PARPBP: variants seen among roughly 807,000 people sequenced by gnomAD.
PARPBP encodes PARP1 binding protein, also known as PCNA-interacting partner.
In PARPBP, 52 loss-of-function variants were observed where a neutral mutation model predicts 50.0. That is an observed-to-expected ratio of 1.04 (90% CI 0.83 to 1.31). PARPBP has a LOEUF of 1.31. Ranked by LOEUF, PARPBP falls within the 50% of genes most tolerant of loss-of-function variation. PARPBP has a pLI of 0.00. For missense variants in PARPBP, 697 were observed against 672.0 expected (o/e 1.04, Z -0.41); for synonymous variants, 244 against 232.1 (o/e 1.05, Z -0.47).
chr12:102,157,283 C>T (rs1169098244), intron 4 of PARPBP, among the ~76,000 whole-genome samples: 4 of 152,122 alleles, frequency 2.6e-5, no homozygotes, highest in Non-Finnish European at 2.9e-5. Context: ...AATTCTTTAG[C>T]GTACATTTCC....
At chr12:102,160,423 A>G (rs981803047) in intron 4 of PARPBP, among the ~76,000 whole-genome samples, 1 of 152,226 alleles carries the variant, frequency 6.6e-6, no homozygotes, top group Admixed American at 6.5e-5. Context: ...ACAGTGACAT[A>G]GAGATTGCAT....
intron 2 of PARPBP, among the ~76,000 whole-genome samples, chr12:102,135,474 G>A (rs568399650): frequency 4.3e-4 from 65 of 150,226 alleles, no homozygotes; most frequent in African/African-American, 1.5e-3. Context: ...GAACCCGGGA[G>A]GCAGAGCTTG....
chr12:102,186,841 G>T (rs929205640), intron 9 of PARPBP, among the ~76,000 whole-genome samples: 2 of 151,930 alleles, frequency 1.3e-5, no homozygotes, highest in African/African-American at 4.8e-5. Context: ...GAAAATACTG[G>T]ACCTTTAACA....
intron 2 of PARPBP, among the ~76,000 whole-genome samples, chr12:102,127,715 C>G (rs1367611020): frequency 1.3e-5 from 2 of 151,978 alleles, no homozygotes; most frequent in Non-Finnish European, 2.9e-5. Context: ...AATTAAATAG[C>G]TTGGGTACAT....
chr12:102,155,725 C>T (rs1026045541), intron 4 of PARPBP, among the ~76,000 whole-genome samples: 2 of 152,088 alleles, frequency 1.3e-5, no homozygotes, highest in Admixed American at 1.3e-4. Flanking sequence ...CAACTGCACA[C>T]TCTTCTGGTC....
At chr12:102,127,920 GTATT>G (rs1478169475) in intron 2 of PARPBP, among the ~76,000 whole-genome samples, 3 of 152,002 alleles carry the variant, frequency 2.0e-5, no homozygotes, top group African/African-American at 4.8e-5. Flanking sequence ...ACAAAAAATT[GTATT>G]TATTTATCAT....
chr12:102,179,356 T>C (rs1425482480), intron 8 of PARPBP, among the ~76,000 whole-genome samples: 1 of 152,214 alleles, frequency 6.6e-6, no homozygotes, highest in Non-Finnish European at 1.5e-5. Context: ...TTAATGCTGG[T>C]ATTATGTGTA....
rs2139595041 is a variant in PARPBP, at chr12:102,164,554, A to C, written c.612A>C (p.Glu204Asp). Residue 204 changes from glutamate (E) to aspartate (D), a missense_variant, in exon 5 of 11, where the codon GAA becomes GAC. Transcript: ENST00000327680. ...LNIPDRGLGREAFTDLKHAAR... is the reference protein window; with the variant it reads ...LNIPDRGLGRDAFTDLKHAAR... ...TTCCTGATAGAGGACTAGGAAGAGA[A>C]GCCTTCACTGATTTGAAACATGCTG... The C allele has an allele frequency of 6.2e-7, 1 of 1,613,462 alleles. No homozygotes were observed. Among genetic ancestry groups the C allele is most frequent in the Non-Finnish European group, 8.5e-7 (1 of 1,179,512 alleles).
chr12:102,168,870 C>T (rs1045421178), intron 6 of PARPBP, among the ~76,000 whole-genome samples: 9 of 152,180 alleles, frequency 5.9e-5, no homozygotes, highest in African/African-American at 1.9e-4. Context: ...AAGAAATAAA[C>T]AACAAACTGT....
intron 7 of PARPBP, 144 bp downstream of exon 7, chr12:102,175,810 A>T (rs75161000): frequency 0.041 from 23,265 of 572,444 alleles, 1,983 homozygotes; most frequent in East Asian, 0.3. Context: ...TAAGTTTCTC[A>T]ATAGGATTAT....
intron 6 of PARPBP, among the ~76,000 whole-genome samples, chr12:102,168,581 C>A (rs1888383446): frequency 6.6e-6 from 1 of 152,022 alleles, no homozygotes; most frequent in Non-Finnish European, 1.5e-5. Context: ...AAAACATATA[C>A]CCTATGCATA....
chr12:102,124,069 GTT>G, intron 2 of PARPBP, 28 bp downstream of exon 2: 1 of 1,504,774 alleles, frequency 6.6e-7, no homozygotes, highest in Non-Finnish European at 8.9e-7. Flanking sequence ...GGGTTAACTT[GTT>G]TTTTTAAAGC....
chr12:102,169,438 C>T (rs1301179619), intron 6 of PARPBP, among the ~76,000 whole-genome samples: 1 of 152,206 alleles, frequency 6.6e-6, no homozygotes, highest in South Asian at 2.1e-4. Context: ...CTCTGCAAAA[C>T]TGCTTCTCCT....
chr12:102,175,446 A>G (rs769158024), intron 6 of PARPBP, 37 bp from the exon 7 acceptor site: 1 of 1,409,644 alleles, frequency 7.1e-7, no homozygotes, highest in South Asian at 1.2e-5. Flanking sequence ...TATAATTTGC[A>G]ATACTGCTAT....
chr12:102,124,054 T>C lies in PARPBP; in HGVS notation c.153+13T>C. ...GAACAACAAACAGGTTGGTAAACTATATTTGGGTTAACTTGTTTTTTTAAA... is the reference window on the plus strand; with the variant it reads ...GAACAACAAACAGGTTGGTAAACTACATTTGGGTTAACTTGTTTTTTTAAA... On this transcript the variant is annotated intron_variant, in intron 2 of 10. Coordinates refer to ENST00000327680, the MANE Select transcript of PARPBP (RefSeq NM_017915.5). 1 of 1,526,922 alleles carries C rather than the reference T, an allele frequency of 6.5e-7. No individual in the cohort carries two copies. Among genetic ancestry groups the C allele is most frequent in the Non-Finnish European group, 8.8e-7 (1 of 1,140,878 alleles). 94.6% of individuals were successfully genotyped at this position (1,526,922 alleles called of 1,614,324 possible).
chr12:102,178,921 A>G (rs1319519575), intron 8 of PARPBP, 151 bp downstream of exon 8: 2 of 512,908 alleles, frequency 3.9e-6, no homozygotes, highest in Non-Finnish European at 6.8e-6. Context: ...ATTTGAATTC[A>G]AAGAGGTTAT....
intron 2 of PARPBP, among the ~76,000 whole-genome samples, chr12:102,143,466 C>T (rs559437266): frequency 3.9e-5 from 6 of 152,204 alleles, no homozygotes; most frequent in Non-Finnish European, 7.3e-5. Context: ...TGCTTCAGCT[C>T]ATGCTCTGTG....
chr12:102,180,599 A>T (rs1889731381), intron 8 of PARPBP, among the ~76,000 whole-genome samples: 1 of 152,114 alleles, frequency 6.6e-6, no homozygotes, highest in African/African-American at 2.4e-5. Context: ...GCTACTTGGG[A>T]GCCTGAGGTG....
intron 1 of PARPBP, 26 bp from the exon 2 acceptor site, chr12:102,123,854 TACTTTA>T: frequency 6.8e-7 from 1 of 1,464,632 alleles, no homozygotes; most frequent in Non-Finnish European, 9.2e-7. Flanking sequence ...TAACATAAGA[TACTTTA>T]ACTTTGTATT....
Sources: allele counts gnomAD v4.1 joint callset (sites outside exome capture counted in the v4.1 genomes callset), GRCh38; gene constraint gnomAD v4.1.1; transcripts MANE v1.5; gene names NCBI Gene and HGNC (gene_info 2026-07-23, HGNC 2026-07-21).